PDE3B: variants seen among roughly 807,000 people sequenced by gnomAD.
The protein encoded by PDE3B is phosphodiesterase 3B.
In PDE3B, 66 loss-of-function variants were observed where a neutral mutation model predicts 116.8. The ratio of observed to expected loss-of-function variants is 0.56; its 90% confidence interval spans 0.46 to 0.69. The LOEUF is 0.69. Among genes scored for constraint, PDE3B ranks in the 30% least tolerant of loss-of-function variants. The pLI is 0.00. For missense variants in PDE3B, 1,384 were observed against 1,368.1 expected (o/e 1.01, Z -0.18); for synonymous variants, 595 against 533.6 (o/e 1.12, Z -1.59).
intron 1 of PDE3B, among the ~76,000 whole-genome samples, chr11:14,647,232 G>A (rs1442359863): frequency 6.6e-6 from 1 of 152,014 alleles, no homozygotes; most frequent in Non-Finnish European, 1.5e-5. Context: ...GTTTCAGAAG[G>A]TGAAGGAAGA....
At chr11:14,702,740 G>C (rs1855403935) in intron 1 of PDE3B, among the ~76,000 whole-genome samples, 2 of 152,032 alleles carry the variant, frequency 1.3e-5, no homozygotes, top group South Asian at 4.1e-4. Flanking sequence ...ATTAGACAGT[G>C]CAGATATAGA....
rs371152950 is a variant in PDE3B at position 14,680,364 on chromosome 11, T to G, written c.978+35311T>G. On this transcript the variant is annotated intron_variant, in intron 1 of 15. Transcript: ENST00000282096. ...AAGCAGGGTCAGGCCTGGTTATATG[T>G]GATGTTCTCCTTTGGTGCTGTTTGG... 5.9e-5 allele frequency among the ~76,000 whole-genome samples: 9 copies of G among 152,322 alleles called. No homozygotes were observed. The East Asian group carries it at 1.5e-3, about 26-fold the overall frequency.
chr11:14,661,624 G>A (rs190546492), intron 1 of PDE3B, among the ~76,000 whole-genome samples: 6 of 152,272 alleles, frequency 3.9e-5, no homozygotes, highest in East Asian at 3.9e-4. Context: ...CTTTTCCGAC[G>A]GGCTTAAAAA....
intron 1 of PDE3B, among the ~76,000 whole-genome samples, chr11:14,746,284 C>T (rs1395742675): frequency 6.6e-6 from 1 of 152,158 alleles, no homozygotes; most frequent in Admixed American, 6.5e-5. Context: ...ATTCCAGCTA[C>T]TCGGGAGGCT....
At chr11:14,672,553 G>T (rs999360832) in intron 1 of PDE3B, among the ~76,000 whole-genome samples, 1 of 152,140 alleles carries the variant, frequency 6.6e-6, no homozygotes, top group African/African-American at 2.4e-5. Context: ...ATGTTAACAA[G>T]AGACAAATAT....
intron 1 of PDE3B, among the ~76,000 whole-genome samples, chr11:14,692,269 ATC>A (rs1472470709): frequency 1.3e-5 from 2 of 152,016 alleles, no homozygotes; most frequent in Non-Finnish European, 2.9e-5. Context: ...GCAAGACCCT[ATC>A]TCTAAAAATG....
intron 1 of PDE3B, among the ~76,000 whole-genome samples, chr11:14,701,907 G>A (rs912037249): frequency 2.0e-5 from 3 of 151,258 alleles, no homozygotes; most frequent in Non-Finnish European, 3.0e-5. Context: ...TTGTGATGCT[G>A]TGCTTTGATA....
At chr11:14,728,108 T>G (rs1453139620) in intron 1 of PDE3B, among the ~76,000 whole-genome samples, 1 of 152,098 alleles carries the variant, frequency 6.6e-6, no homozygotes, top group Non-Finnish European at 1.5e-5. Flanking sequence ...TTTTAATGGT[T>G]TGTTATAAAT....
chr11:14,814,522 A>G (rs746106070), intron 5 of PDE3B, among the ~76,000 whole-genome samples: 1 of 152,212 alleles, frequency 6.6e-6, no homozygotes, highest in African/African-American at 2.4e-5. Context: ...TTACGTAGAG[A>G]TAAATTTAAT....
At chr11:14,731,929 A>G (rs940000452) in intron 1 of PDE3B, among the ~76,000 whole-genome samples, 4 of 152,302 alleles carry the variant, frequency 2.6e-5, no homozygotes, top group African/African-American at 9.6e-5. Flanking sequence ...TTGATAAGTA[A>G]GTGCTGTGGA....
the PDE3B span, among the ~76,000 whole-genome samples, chr11:14,883,484 T>C: frequency 6.6e-6 from 1 of 151,876 alleles, no homozygotes; most frequent in Admixed American, 6.6e-5. Context: ...TAGCCATATG[T>C]AGAAAGCTGA....
Position 14,695,513 on chromosome 11 carries a change from ATAAT to A in PDE3B, c.978+50463_978+50466del, listed in dbSNP as rs1305571014. Among the ~76,000 whole-genome samples the A allele has an allele frequency of 2.0e-5, 3 of 152,238 alleles. No homozygotes were observed. In the South Asian group the frequency reaches 6.2e-4, roughly 32 times the overall value. On this transcript the variant is annotated intron_variant, in intron 1 of 15. Coordinates refer to ENST00000282096, the MANE Select transcript of PDE3B (RefSeq NM_000922.4). ...TAGGGTAGGTATATGTATTTTTAAA[ATAAT>A]TATTTTATTTTTTTTAAGTTCTGGG...
the PDE3B span, chr11:14,890,398 A>C: frequency 1.1e-6 from 1 of 883,158 alleles, no homozygotes; most frequent in Non-Finnish European, 1.4e-6. Flanking sequence ...GGAGAATTGC[A>C]GGTTGGAAAA....
At chr11:14,828,070 A>G (rs1859756566) in intron 7 of PDE3B, among the ~76,000 whole-genome samples, 1 of 152,222 alleles carries the variant, frequency 6.6e-6, no homozygotes, top group African/African-American at 2.4e-5. Context: ...TTAATGGGGA[A>G]AGGACTCCCT....
intron 1 of PDE3B, among the ~76,000 whole-genome samples, chr11:14,730,811 T>A (rs547494356): frequency 2.0e-5 from 3 of 152,256 alleles, no homozygotes; most frequent in African/African-American, 7.2e-5. Flanking sequence ...GAACAAAAAC[T>A]TTAGAGCCAG....
At chr11:14,858,317 T>C (rs1339119310) in intron 12 of PDE3B, among the ~76,000 whole-genome samples, 1 of 152,164 alleles carries the variant, frequency 6.6e-6, no homozygotes, top group Non-Finnish European at 1.5e-5. Flanking sequence ...AAAGAATTGC[T>C]TAATTTGTAG....
At chr11:14,777,615 A>G (rs1857826489) in intron 2 of PDE3B, among the ~76,000 whole-genome samples, 1 of 152,206 alleles carries the variant, frequency 6.6e-6, no homozygotes, top group Non-Finnish European at 1.5e-5. Context: ...GAAGAGGTGG[A>G]AGAAAATGGC....
intron 1 of PDE3B, chr11:14,699,267 CAG>C (rs1315052020): frequency 6.6e-6 from 1 of 151,722 alleles, no homozygotes; most frequent in Non-Finnish European, 1.5e-5. Context: ...TGATTCTTTA[CAG>C]TATATGATAG....
At chr11:14,726,127 C>G in intron 1 of PDE3B, among the ~76,000 whole-genome samples, 1 of 152,182 alleles carries the variant, frequency 6.6e-6, no homozygotes, top group Admixed American at 6.5e-5. Context: ...AGCTTGCTCC[C>G]TCACTTCATA....
Sources: allele counts gnomAD v4.1 joint callset (sites outside exome capture counted in the v4.1 genomes callset), GRCh38; gene constraint gnomAD v4.1.1; transcripts MANE v1.5; gene names NCBI Gene and HGNC (gene_info 2026-07-23, HGNC 2026-07-21).